The following CACHD1 variants were observed in gnomAD, a reference collection of about 807,000 sequenced individuals.
The protein encoded by CACHD1 is cache domain containing 1.
CACHD1 carries 71 observed loss-of-function variants against 138.7 expected under a neutral mutation model. The observed-to-expected ratio is 0.51, with a 90% CI of 0.42 to 0.62. CACHD1 has a LOEUF of 0.62. Ranked by LOEUF, CACHD1 falls within the 20% of genes least tolerant of loss-of-function variation. The pLI, the probability that CACHD1 is intolerant of heterozygous loss-of-function variation, is 0.00. For missense variants in CACHD1, 1,389 were observed against 1,625.3 expected, an observed-to-expected ratio of 0.85 and a Z score of 2.50; for synonymous variants, 578 against 591.5, an observed-to-expected ratio of 0.98 and a Z score of 0.33.
intron 13 of CACHD1, among the ~76,000 whole-genome samples, chr1:64,662,430 G>C (rs754243196): frequency 6.6e-6 from 1 of 152,128 alleles, no homozygotes; most frequent in Non-Finnish European, 1.5e-5. Context: ...GTGTGGCACC[G>C]GACAGGATGA....
At chr1:64,654,596 G>C (rs998180162) in intron 11 of CACHD1, 90 bp from the exon 12 acceptor site, 2 of 834,406 alleles carry the variant, frequency 2.4e-6, no homozygotes, top group Admixed American at 2.0e-5. Context: ...TCAGGAGGTG[G>C]CCATTGACTC....
chr1:64,610,590 C>G (rs980470980), intron 4 of CACHD1, among the ~76,000 whole-genome samples: 3 of 152,208 alleles, frequency 2.0e-5, no homozygotes, highest in African/African-American at 7.2e-5. Context: ...GTCCCACATC[C>G]AGGGGTATGC....
intron 1 of CACHD1, among the ~76,000 whole-genome samples, chr1:64,483,675 C>A (rs1348546803): frequency 8.3e-6 from 1 of 120,816 alleles, no homozygotes. Context: ...GAGACCCTGT[C>A]TCTACCAAAA....
chr1:64,638,930 G>A (rs59460360), intron 7 of CACHD1, among the ~76,000 whole-genome samples: 24,373 of 152,098 alleles, frequency 0.16, 2,284 homozygotes, highest in East Asian at 0.31. Flanking sequence ...TGGAGTCAGG[G>A]GTTGGACAGA....
At chr1:64,601,667 T>C (rs939689013) in intron 3 of CACHD1, among the ~76,000 whole-genome samples, 5 of 152,234 alleles carry the variant, frequency 3.3e-5, no homozygotes, top group African/African-American at 1.2e-4. Context: ...TATGTGTTCT[T>C]ATGTGTTAGG....
chr1:64,647,315 T>A (rs993208687), intron 8 of CACHD1, among the ~76,000 whole-genome samples: 2 of 152,208 alleles, frequency 1.3e-5, no homozygotes, highest in Non-Finnish European at 2.9e-5. Context: ...ATTCTTTCAT[T>A]TAGTTGCATG....
intron 4 of CACHD1, among the ~76,000 whole-genome samples, chr1:64,607,186 G>T (rs1354280142): frequency 2.6e-5 from 4 of 152,122 alleles, no homozygotes; most frequent in Admixed American, 2.6e-4. Context: ...TTACTGCTGA[G>T]GTGACACTGA....
Position 64,671,552 on chromosome 1 carries a change from T to C in CACHD1, c.2388-12T>C. 6.2e-7 allele frequency: 1 copy of C among 1,613,942 alleles called. No individual in the cohort carries two copies. The highest frequency in any genetic ancestry group is 8.5e-7 in the Non-Finnish European group (1 of 1,179,840). The stretch of plus-strand genomic sequence containing the variant: ...CATGCCTATTGTTCTCATTGATCTT[T>C]TTCACTTAAAGTACACAGCTGTCTT... On this transcript the variant is annotated splice_polypyrimidine_tract_variant and intron_variant, in intron 16 of 26. Transcript: ENST00000651257.
intron 2 of CACHD1, among the ~76,000 whole-genome samples, chr1:64,555,667 C>T (rs535683859): frequency 1.4e-4 from 22 of 152,082 alleles, no homozygotes; most frequent in African/African-American, 2.9e-4. Context: ...GTGATCTGTC[C>T]GCCTCAGTCT....
At chr1:64,513,658 G>C (rs1015398474) in intron 1 of CACHD1, among the ~76,000 whole-genome samples, 1 of 152,214 alleles carries the variant, frequency 6.6e-6, no homozygotes, top group Admixed American at 6.5e-5. Context: ...AGGAAAGAGT[G>C]CTTACTTTCT....
intron 4 of CACHD1, among the ~76,000 whole-genome samples, chr1:64,613,905 T>G (rs1464103159): frequency 1.3e-5 from 2 of 152,208 alleles, no homozygotes; most frequent in South Asian, 2.1e-4. Flanking sequence ...CTGAGTTTAT[T>G]TATTGAATAA....
chr1:64,671,438 TG>T, intron 16 of CACHD1, 125 bp from the exon 17 acceptor site: 2 of 982,764 alleles, frequency 2.0e-6, no homozygotes, highest in Non-Finnish European at 3.1e-6. Context: ...TTTTTGTAGG[TG>T]GGAAAAGTAG....
Position 64,675,949 on chromosome 1 carries a change from G to C in CACHD1, c.2941G>C (p.Glu981Gln). Residue 981 changes from glutamate (E) to glutamine (Q), a missense_variant, in exon 21 of 27, where the codon GAG becomes CAG. Glu to Gln is a conservative substitution (Grantham distance 29). Coordinates refer to ENST00000651257, the MANE Select transcript of CACHD1 (RefSeq NM_020925.4). ...TTGTGAGTGCCCTCTAGAGGTCAAT[G>C]AGTGCACTGGCAACCTCACCAATGC... The part of the protein sequence containing the change: ...CPCECPLEVN[E>Q]CTGNLTNAEN... The C allele has an allele frequency of 6.8e-7, 1 of 1,479,550 alleles. No individual in the cohort carries two copies. The highest frequency in any genetic ancestry group is 9.0e-7 in the Non-Finnish European group (1 of 1,106,888). 91.7% of individuals were successfully genotyped at this position (1,479,550 alleles called of 1,614,324 possible). A position where few individuals can be genotyped will look rare whatever the true frequency, so the allele number is the denominator to read the frequency against.
In CACHD1 at chr1:64,648,136, C is replaced by T. The variant is rs908874995; in HGVS notation, c.1390+102C>T. The T allele has an allele frequency of 8.4e-6, 7 of 838,034 alleles. No individual in the cohort carries two copies. In the African/African-American group the frequency reaches 8.4e-5, roughly 10 times the overall value. 51.9% of individuals were successfully genotyped at this position (838,034 alleles called of 1,614,324 possible). On this transcript the variant is annotated intron_variant, in intron 9 of 26. Coordinates refer to ENST00000651257, the MANE Select transcript of CACHD1 (RefSeq NM_020925.4). ...TCATAGGGTTTCTTAGCACCCCTGCCACCTGTCCTATATCTCTGTATTGTA... is the reference window on the plus strand; with the variant it reads ...TCATAGGGTTTCTTAGCACCCCTGCTACCTGTCCTATATCTCTGTATTGTA...
chr1:64,671,061 T>C (rs887504226), intron 16 of CACHD1, among the ~76,000 whole-genome samples: 2 of 152,168 alleles, frequency 1.3e-5, no homozygotes, highest in Non-Finnish European at 2.9e-5. Context: ...AACCTTAATG[T>C]TGTGGGAAAA....
chr1:64,504,432 AAC>A (rs1167751655), intron 1 of CACHD1, among the ~76,000 whole-genome samples: 2 of 152,198 alleles, frequency 1.3e-5, no homozygotes, highest in Non-Finnish European at 2.9e-5. Context: ...TTTCTTGAGG[AAC>A]ACAGTCTCTG....
rs749525169 is a variant in CACHD1, at chr1:64,654,670, C to A, written c.1665-16C>A. On this transcript the variant is annotated splice_polypyrimidine_tract_variant and intron_variant, in intron 11 of 26. Coordinates refer to ENST00000651257, the MANE Select transcript of CACHD1 (RefSeq NM_020925.4). ...TATCTTTTGCCTGAAATATTTAATT[C>A]TGTTTGCCAACACAGCCTCCCTCTG... is the stretch of plus-strand genomic sequence containing the variant. 2 of 1,566,214 alleles carry A rather than the reference C, an allele frequency of 1.3e-6. No homozygotes were observed. Among genetic ancestry groups the A allele is most frequent in the Non-Finnish European group, 1.8e-6 (2 of 1,138,824 alleles).
intron 22 of CACHD1, among the ~76,000 whole-genome samples, chr1:64,677,413 C>T (rs2100730160): frequency 6.6e-6 from 1 of 152,270 alleles, no homozygotes; most frequent in East Asian, 1.9e-4. Flanking sequence ...ACTACATGTT[C>T]CCCGCTCTCT....
chr1:64,510,586 C>T (rs1035573292), intron 1 of CACHD1, among the ~76,000 whole-genome samples: 3 of 152,200 alleles, frequency 2.0e-5, no homozygotes, highest in Non-Finnish European at 4.4e-5. Flanking sequence ...TACCTAACCA[C>T]TAAGTTTCTG....
Sources: gnomAD v4.1 joint callset for allele counts (sites outside exome capture counted in the v4.1 genomes callset) on GRCh38, gnomAD v4.1.1 for gene constraint, MANE v1.5 for transcripts, NCBI Gene and HGNC (gene_info 2026-07-23, HGNC 2026-07-21) for gene names.